USP32: variants seen among roughly 807,000 people sequenced by gnomAD.
USP32 encodes ubiquitin carboxyl-terminal hydrolase 32.
Under a neutral mutation model 204.8 loss-of-function variants are expected in USP32, and 59 were observed. The observed-to-expected ratio is 0.29, with a 90% CI of 0.23 to 0.36. The LOEUF (loss-of-function observed/expected upper bound fraction) is 0.36. Ranked by LOEUF, USP32 falls within the 10% of genes least tolerant of loss-of-function variation. The pLI is 1.00. For missense variants in USP32, 1,160 were observed against 1,946.4 expected (o/e 0.60, Z 7.60); for synonymous variants, 517 against 678.4 (o/e 0.76, Z 3.70).
intron 31 of USP32, among the ~76,000 whole-genome samples, chr17:60,182,825 C>T (rs2084147755): frequency 6.6e-6 from 1 of 151,782 alleles, no homozygotes; most frequent in Non-Finnish European, 1.5e-5. Context: ...CTCTAGACCC[C>T]CTGAAAGATG....
intron 9 of USP32, among the ~76,000 whole-genome samples, chr17:60,264,387 G>A (rs1030028661): frequency 1.3e-5 from 2 of 151,312 alleles, no homozygotes; most frequent in African/African-American, 4.9e-5. Flanking sequence ...GCATGGTGGT[G>A]CACACCTATA....
At chr17:60,422,171 G>A (rs759636610) in intron 1 of USP32, 8 of 281,632 alleles carry the variant, frequency 2.8e-5, no homozygotes, top group Non-Finnish European at 4.5e-5. Context: ...CTTTCCTCTC[G>A]GGGAGCCCCC....
At position 60,367,774 on chromosome 17, in the gene USP32, C is replaced by CT. The variant is rs769523215; in HGVS notation, c.59-22167dup. ...AGTGAACTGACATGGCCCCACTGTA[C>CT]TCCAGCCTGGGTGACAGAGTGAGAC... On this transcript the variant is annotated intron_variant, in intron 1 of 33. Coordinates refer to ENST00000300896, the MANE Select transcript of USP32 (RefSeq NM_032582.4). Among the ~76,000 whole-genome samples, 8 of 152,290 alleles carry CT rather than the reference C, an allele frequency of 5.3e-5. No individual in the cohort carries two copies. The South Asian group carries it at 1.0e-3, about 20-fold the overall frequency.
At position 60,234,314 on chromosome 17, in the gene USP32, C is replaced by T. The variant is rs538953185; in HGVS notation, c.1239+1824G>A. 4.2e-3 allele frequency among the ~76,000 whole-genome samples: 643 copies of T among 151,418 alleles called. 1 individual carries two copies. Among genetic ancestry groups the T allele is most frequent in the Non-Finnish European group, 6.5e-3 (439 of 67,758 alleles). On this transcript the variant is annotated intron_variant, in intron 12 of 33. Transcript: ENST00000300896. ...ATTTTCAGTAGAGACGGGGTTTCACCGTGTTAGCCAGGATGGTCTCGATCT... is the reference window on the plus strand; with the variant it reads ...ATTTTCAGTAGAGACGGGGTTTCACTGTGTTAGCCAGGATGGTCTCGATCT...
At chr17:60,323,006 T>C (rs2088149412) in intron 2 of USP32, among the ~76,000 whole-genome samples, 1 of 152,184 alleles carries the variant, frequency 6.6e-6, no homozygotes, top group East Asian at 1.9e-4. Context: ...TTAATTAAAC[T>C]CCAAGGATAT....
chr17:60,410,540 C>T (rs1218578467), intron 1 of USP32, among the ~76,000 whole-genome samples: 5 of 152,072 alleles, frequency 3.3e-5, no homozygotes, highest in South Asian at 2.1e-4. Context: ...TGGTGGCAGG[C>T]ACCTGTAGTC....
chr17:60,242,698 C>T (rs751324294), intron 11 of USP32, among the ~76,000 whole-genome samples: 2 of 152,158 alleles, frequency 1.3e-5, no homozygotes, highest in East Asian at 1.9e-4. Flanking sequence ...TGAGCCACCA[C>T]GCCTGGCCAA....
At chr17:60,224,795 A>G (rs1340730638) in intron 13 of USP32, among the ~76,000 whole-genome samples, 1 of 152,098 alleles carries the variant, frequency 6.6e-6, no homozygotes, top group Admixed American at 6.5e-5. Context: ...TAAGTAAATA[A>G]ATAAATAACA....
intron 5 of USP32, among the ~76,000 whole-genome samples, chr17:60,284,231 T>G (rs1240454017): frequency 7.0e-6 from 1 of 142,756 alleles, no homozygotes; most frequent in Non-Finnish European, 1.5e-5. Flanking sequence ...TTTTTTTTTT[T>G]GAGACCAAGT....
chr17:60,267,029 TC>T (rs777942693), intron 7 of USP32, among the ~76,000 whole-genome samples: 1 of 151,682 alleles, frequency 6.6e-6, no homozygotes, highest in Non-Finnish European at 1.5e-5. Flanking sequence ...CCTCAAGTGA[TC>T]CACCGGCCTT....
intron 13 of USP32, among the ~76,000 whole-genome samples, chr17:60,225,349 T>G (rs2085355899): frequency 6.6e-6 from 1 of 151,910 alleles, no homozygotes; most frequent in Non-Finnish European, 1.5e-5. Context: ...CCCAGCTTCT[T>G]AGGAGGCTGA....
At chr17:60,235,455 T>C (rs1342109842) in intron 12 of USP32, among the ~76,000 whole-genome samples, 2 of 152,180 alleles carry the variant, frequency 1.3e-5, no homozygotes, top group South Asian at 2.1e-4. Flanking sequence ...AATGATGAGA[T>C]AGATAATGTA....
chr17:60,406,101 G>A (rs980454216), intron 1 of USP32, among the ~76,000 whole-genome samples: 1 of 142,906 alleles, frequency 7.0e-6, no homozygotes, highest in Admixed American at 7.4e-5. Flanking sequence ...AGGCTGCAGA[G>A]AGCCGTGATC....
At chr17:60,293,906 C>A (rs1417273560) in intron 4 of USP32, among the ~76,000 whole-genome samples, 1 of 152,100 alleles carries the variant, frequency 6.6e-6, no homozygotes, top group Non-Finnish European at 1.5e-5. Flanking sequence ...GATTTTTACT[C>A]TACAATCACT....
At chr17:60,246,413 AT>A (rs373810890) in intron 11 of USP32, among the ~76,000 whole-genome samples, 1,628 of 142,676 alleles carry the variant, frequency 0.011, 17 homozygotes, top group African/African-American at 0.029. Flanking sequence ...ATATATATAT[AT>A]TTTTTTTTTT....
At chr17:60,414,675 C>T (rs938179471) in intron 1 of USP32, among the ~76,000 whole-genome samples, 11 of 152,020 alleles carry the variant, frequency 7.2e-5, no homozygotes, top group Admixed American at 2.0e-4. Context: ...GAGATCCACC[C>T]GCCTTGGCCT....
chr17:60,286,452 C>T (rs1199892826), intron 5 of USP32, among the ~76,000 whole-genome samples: 2 of 152,140 alleles, frequency 1.3e-5, no homozygotes, highest in Admixed American at 1.3e-4. Flanking sequence ...CTGCCACAAA[C>T]CAAGGAATGC....
At chr17:60,340,678 T>G (rs560170692) in intron 2 of USP32, among the ~76,000 whole-genome samples, 6 of 152,356 alleles carry the variant, frequency 3.9e-5, no homozygotes, top group African/African-American at 1.4e-4. Flanking sequence ...CATTTAAGGT[T>G]AATATTGTTA....
At chr17:60,301,562 A>C (rs1284003093) in intron 3 of USP32, 37 bp downstream of exon 3, 1 of 1,326,150 alleles carries the variant, frequency 7.5e-7, no homozygotes, top group South Asian at 1.3e-5. Flanking sequence ...TATTCTGTAC[A>C]TAGACGAATT....
Sources: gnomAD v4.1 joint callset for allele counts (sites outside exome capture counted in the v4.1 genomes callset) on GRCh38, gnomAD v4.1.1 for gene constraint, MANE v1.5 for transcripts, NCBI Gene and HGNC (gene_info 2026-07-23, HGNC 2026-07-21) for gene names.